SPAG16: variants seen among roughly 807,000 people sequenced by gnomAD.
SPAG16 encodes sperm associated antigen 16.
A neutral mutation model predicts 80.4 loss-of-function variants in SPAG16; 86 were observed. The observed-to-expected ratio is 1.07, with a 90% CI of 0.90 to 1.28. The LOEUF (loss-of-function observed/expected upper bound fraction) is 1.28. Ranked by LOEUF, SPAG16 falls within the 50% of genes most tolerant of loss-of-function variation. SPAG16 has a pLI of 0.00. For synonymous variants in SPAG16, 294 were observed against 265.9 expected, an observed-to-expected ratio of 1.11 and a Z score of -1.03; for missense variants, 870 against 765.3, an observed-to-expected ratio of 1.14 and a Z score of -1.61.
At chr2:213,633,281 G>T (rs2062227484) in intron 10 of SPAG16, among the ~76,000 whole-genome samples, 1 of 152,084 alleles carries the variant, frequency 6.6e-6, no homozygotes, top group African/African-American at 2.4e-5. Context: ...AGCCACTAAT[G>T]ATCTTTTGAA....
chr2:213,975,656 A>C (rs1171402369), intron 12 of SPAG16, among the ~76,000 whole-genome samples: 1 of 152,042 alleles, frequency 6.6e-6, no homozygotes, highest in East Asian at 1.9e-4. Flanking sequence ...CATTAGAAAA[A>C]AAATGATGAA....
chr2:214,310,290 C>T (rs72952021), intron 15 of SPAG16, among the ~76,000 whole-genome samples: 14,228 of 151,806 alleles, frequency 0.094, 759 homozygotes, highest in Middle Eastern at 0.15. Flanking sequence ...TTTAGACAAC[C>T]GAGGCTCTGT....
chr2:213,347,238 T>C (rs1309374047), intron 6 of SPAG16, among the ~76,000 whole-genome samples: 1 of 152,178 alleles, frequency 6.6e-6, no homozygotes, highest in Admixed American at 6.5e-5. Context: ...GATATCCCCT[T>C]TATCATTTTT....
At chr2:214,215,234 A>G (rs182963475) in intron 15 of SPAG16, among the ~76,000 whole-genome samples, 1 of 152,138 alleles carries the variant, frequency 6.6e-6, no homozygotes. Flanking sequence ...GACTAATGGA[A>G]CTGCTTGTCC....
At chr2:214,353,940 C>G (rs1912189) in intron 15 of SPAG16, among the ~76,000 whole-genome samples, 73,992 of 151,412 alleles carry the variant, frequency 0.49, 21,666 homozygotes, top group South Asian at 0.67. Flanking sequence ...AACCAATTGT[C>G]TTCACTGATG....
intron 10 of SPAG16, among the ~76,000 whole-genome samples, chr2:213,620,412 A>C (rs541842579): frequency 2.0e-5 from 3 of 146,468 alleles, no homozygotes; most frequent in Non-Finnish European, 4.5e-5. Context: ...CCTGCCTCAG[A>C]CTCCTGAGTA....
chr2:213,544,306 C>T lies in SPAG16; in HGVS notation c.1070+54216C>T, dbSNP rs112151663. On this transcript the variant is annotated intron_variant, in intron 10 of 15. Transcript: ENST00000331683. ...TATTCCTGCTTATATTCTGTGAGTA[C>T]AATACCTTCTTTTATTTGTAATAGA... Among the ~76,000 whole-genome samples, 120 of 152,088 alleles carry T rather than the reference C, an allele frequency of 7.9e-4. 2 individuals carry two copies. The highest frequency in any genetic ancestry group is 3.4e-3 in the Middle Eastern group (1 of 294).
At chr2:213,993,688 A>G (rs1295738251) in intron 12 of SPAG16, among the ~76,000 whole-genome samples, 2 of 152,222 alleles carry the variant, frequency 1.3e-5, no homozygotes, top group Non-Finnish European at 2.9e-5. Flanking sequence ...TTTAACAAAC[A>G]TATTGAATCC....
chr2:213,348,624 C>T (rs2065141653), intron 6 of SPAG16, among the ~76,000 whole-genome samples: 2 of 152,090 alleles, frequency 1.3e-5, no homozygotes, highest in South Asian at 4.1e-4. Flanking sequence ...TTTTATTTCT[C>T]CTTCACTTAT....
At chr2:213,627,229 C>T (rs926165141) in intron 10 of SPAG16, among the ~76,000 whole-genome samples, 4 of 152,184 alleles carry the variant, frequency 2.6e-5, no homozygotes, top group African/African-American at 9.7e-5. Flanking sequence ...TAAGATCCTG[C>T]ATGGCAGAGA....
chr2:213,480,852 GTTT>G (rs1409598748), intron 9 of SPAG16, among the ~76,000 whole-genome samples: 4 of 152,104 alleles, frequency 2.6e-5, no homozygotes, highest in African/African-American at 4.8e-5. Context: ...CCTTTCAGAT[GTTT>G]TTTATTATTA....
intron 13 of SPAG16, among the ~76,000 whole-genome samples, chr2:214,102,982 A>G (rs2053160016): frequency 6.6e-6 from 1 of 152,098 alleles, no homozygotes; most frequent in African/African-American, 2.4e-5. Flanking sequence ...TTCTTCGCGT[A>G]GGGTGGGCTT....
intron 3 of SPAG16, among the ~76,000 whole-genome samples, chr2:213,305,918 G>C (rs2062922595): frequency 6.6e-6 from 1 of 152,134 alleles, no homozygotes; most frequent in South Asian, 2.1e-4. Flanking sequence ...AGTAGGGTTG[G>C]AATTAGTTCC....
intron 15 of SPAG16, among the ~76,000 whole-genome samples, chr2:214,161,872 T>A (rs896508075): frequency 2.0e-5 from 3 of 152,138 alleles, no homozygotes; most frequent in Admixed American, 6.6e-5. Flanking sequence ...AAAAAATTTT[T>A]AAAAAATTAA....
intron 15 of SPAG16, among the ~76,000 whole-genome samples, chr2:214,206,404 C>A (rs1303028860): frequency 1.3e-5 from 2 of 152,146 alleles, no homozygotes; most frequent in Non-Finnish European, 2.9e-5. Flanking sequence ...TAGTTTATTT[C>A]ACTTAAGATA....
chr2:214,217,982 C>G (rs2058474479), intron 15 of SPAG16, among the ~76,000 whole-genome samples: 1 of 152,118 alleles, frequency 6.6e-6, no homozygotes, highest in African/African-American at 2.4e-5. Flanking sequence ...TCTTTTGACA[C>G]TGACTATATT....
intron 10 of SPAG16, among the ~76,000 whole-genome samples, chr2:213,612,181 A>G (rs1315960273): frequency 2.6e-5 from 4 of 152,160 alleles, no homozygotes; most frequent in Admixed American, 2.6e-4. Flanking sequence ...TATGTCTCTT[A>G]TCTTTAGTTT....
chr2:213,895,906 A>G (rs2106101503), intron 11 of SPAG16, among the ~76,000 whole-genome samples: 1 of 152,228 alleles, frequency 6.6e-6, no homozygotes, highest in South Asian at 2.1e-4. Flanking sequence ...AGCACAGGCA[A>G]CTAAAGCAAA....
Position 213,857,060 on chromosome 2 carries a change from T to C in SPAG16, c.1071-5425T>C, listed in dbSNP as rs150331007. On this transcript the variant is annotated intron_variant, in intron 10 of 15. Coordinates refer to ENST00000331683, the MANE Select transcript of SPAG16 (RefSeq NM_024532.5). ...GCCTGGCCAACATGGCGAAACCCTA[T>C]CTCTATCAAAAATACAAAAACTAGC... Among the ~76,000 whole-genome samples, 866 of 152,136 alleles carry C rather than the reference T, an allele frequency of 5.7e-3. 7 individuals carry two copies. The highest frequency in any genetic ancestry group is 0.018 in the African/African-American group (765 of 41,502).
Sources: allele counts gnomAD v4.1 joint callset (sites outside exome capture counted in the v4.1 genomes callset), GRCh38; gene constraint gnomAD v4.1.1; transcripts MANE v1.5; gene names NCBI Gene and HGNC (gene_info 2026-07-23, HGNC 2026-07-21).